The following GOLGA4 variants were observed in gnomAD, a reference collection of about 807,000 sequenced individuals.
The protein encoded by GOLGA4 is golgin A4.
In GOLGA4, 169 loss-of-function variants were observed where a neutral mutation model predicts 265.9. The observed-to-expected ratio is 0.64, with a 90% CI of 0.56 to 0.72. The LOEUF is 0.72. GOLGA4 is among the 30% of genes least tolerant of loss of function. The pLI is 0.00. For missense variants in GOLGA4, 2,482 were observed against 2,483.4 expected (o/e 1.00, Z 0.01); for synonymous variants, 923 against 855.8 (o/e 1.08, Z -1.37).
rs770179701 is a variant in GOLGA4, at chr3:37,296,080, A to G, written c.682-7A>G. 1.9e-6 allele frequency: 3 copies of G among 1,612,792 alleles called. No individual in the cohort carries two copies. Among genetic ancestry groups the G allele is most frequent in the South Asian group, 2.2e-5 (2 of 91,058 alleles). ...GACTTTTTTCTAATGAAGCACATTT[A>G]TATTAGGTTTCTCTACTGAAACAAC... On this transcript the variant is annotated splice_region_variant and splice_polypyrimidine_tract_variant and intron_variant, in intron 6 of 23. Coordinates refer to ENST00000361924, the MANE Select transcript of GOLGA4 (RefSeq NM_002078.5).
At chr3:37,245,108 A>G (rs1331890696) in intron 1 of GOLGA4, among the ~76,000 whole-genome samples, 4 of 152,244 alleles carry the variant, frequency 2.6e-5, no homozygotes, top group Non-Finnish European at 5.9e-5. Context: ...AACTAGCCAA[A>G]AATGTCCAAC....
chr3:37,255,265 A>G (rs1042996087), intron 2 of GOLGA4, among the ~76,000 whole-genome samples: 3 of 151,930 alleles, frequency 2.0e-5, no homozygotes, highest in Non-Finnish European at 2.9e-5. Flanking sequence ...GGTTCAAGCA[A>G]TTCTCCCTGC....
At chr3:37,306,717 C>T (rs1029881461) in intron 10 of GOLGA4, among the ~76,000 whole-genome samples, 1 of 151,734 alleles carries the variant, frequency 6.6e-6, no homozygotes, top group African/African-American at 2.4e-5. Flanking sequence ...GTTCTTCTCC[C>T]CCATTTAGCA....
At chr3:37,347,860 C>T (rs2097060919) in intron 21 of GOLGA4, among the ~76,000 whole-genome samples, 1 of 152,004 alleles carries the variant, frequency 6.6e-6, no homozygotes, top group Non-Finnish European at 1.5e-5. Flanking sequence ...TTGTCTTATT[C>T]TTATTTGTAT....
chr3:37,352,170 T>G (rs956681587), intron 21 of GOLGA4, among the ~76,000 whole-genome samples: 7 of 152,060 alleles, frequency 4.6e-5, no homozygotes, highest in Non-Finnish European at 1.0e-4. Context: ...CGGCTGCTAA[T>G]AAAGACATAC....
intron 1 of GOLGA4, among the ~76,000 whole-genome samples, chr3:37,247,724 TCA>T (rs1212518482): frequency 3.3e-5 from 5 of 152,216 alleles, no homozygotes; most frequent in African/African-American, 1.2e-4. Flanking sequence ...AGCTGCTTTC[TCA>T]TCTGGAGCTC....
chr3:37,287,050 A>G (rs1488165795), intron 4 of GOLGA4, among the ~76,000 whole-genome samples: 1 of 152,150 alleles, frequency 6.6e-6, no homozygotes, highest in Non-Finnish European at 1.5e-5. Flanking sequence ...TTTAAAATAA[A>G]ATATAGTTGG....
At chr3:37,260,756 A>C (rs994139752) in intron 2 of GOLGA4, among the ~76,000 whole-genome samples, 1 of 152,160 alleles carries the variant, frequency 6.6e-6, no homozygotes, top group Non-Finnish European at 1.5e-5. Context: ...CCCCAGTATT[A>C]CACATGAGAG....
rs1277903644 is a variant in GOLGA4 at position 37,359,238 on chromosome 3, C to G, written c.6664-2005C>G. On this transcript the variant is annotated intron_variant, in intron 22 of 23. Coordinates refer to ENST00000361924, the MANE Select transcript of GOLGA4 (RefSeq NM_002078.5). ...AGCACAATATGGGCAAGAGTGAATA[C>G]ATAAGTTCTTGGCTCATCTAATTGT... Among the ~76,000 whole-genome samples the G allele has an allele frequency of 1.3e-5, 2 of 152,104 alleles. 1 individual carries two copies. Among genetic ancestry groups the G allele is most frequent in the Non-Finnish European group, 2.9e-5 (2 of 68,014 alleles).
chr3:37,315,420 C>G lies in GOLGA4; in HGVS notation c.1235C>G (p.Ala412Gly). 1 of 1,609,982 alleles carries G rather than the reference C, an allele frequency of 6.2e-7. No individual in the cohort carries two copies. The change falls in exon 11 of 24, where the codon GCT becomes GGT. Residue 412 changes from alanine to glycine, a missense_variant and splice_region_variant. This residue lies in a region of GOLGA4 where 1,536 missense variants were observed against 1,483.7 expected (regional missense o/e 1.04). Coordinates refer to ENST00000361924, the MANE Select transcript of GOLGA4 (RefSeq NM_002078.5). ...TTGTTTTCTGTTGTTTTCATTATAG[C>G]TTTTGAGGAACTTGAAAAAGCTTTG... ...REQKEKSERA[A>G]FEELEKALST...
Position 37,282,161 on chromosome 3 carries a change from C to A in GOLGA4, c.366C>A (p.Ser122Arg), listed in dbSNP as rs774957170. ...TTGATCCACCCTCTGATATGGATAG[C>A]GAGGCTGAAGACTTGGTAGGGAATT... Reference protein sequence around the residue: ...ASFDPPSDMDSEAEDLVGNSD... With the variant: ...ASFDPPSDMDREAEDLVGNSD... Residue 122 changes from serine to arginine, a missense_variant, in exon 3 of 24, where the codon AGC becomes AGA. This residue lies in a region of GOLGA4 where 1,536 missense variants were observed against 1,483.7 expected (regional missense o/e 1.04). Coordinates refer to ENST00000361924, the MANE Select transcript of GOLGA4 (RefSeq NM_002078.5). The A allele has an allele frequency of 5.0e-6, 8 of 1,613,660 alleles. No individual in the cohort carries two copies. In the African/African-American group the frequency reaches 1.1e-4, roughly 22 times the overall value.
At chr3:37,279,735 C>T (rs1374176640) in intron 2 of GOLGA4, among the ~76,000 whole-genome samples, 4 of 152,140 alleles carry the variant, frequency 2.6e-5, no homozygotes, top group South Asian at 2.1e-4. Context: ...GGTGAAATCT[C>T]CTCTCTACCG....
chr3:37,299,277 A>AT lies in GOLGA4; in HGVS notation c.1003-3dup, dbSNP rs750932584. The AT allele has an allele frequency of 1.3e-5, 21 of 1,574,530 alleles. No homozygotes were observed. The highest frequency in any genetic ancestry group is 2.2e-5 in the East Asian group (1 of 44,650). Reference sequence around the variant, plus strand: ...ATTAGAGATGGAAATGAATTTAAAAATTTTTTTTAGGACCTTCATATGGCC... The same window carrying AT: ...ATTAGAGATGGAAATGAATTTAAAAATTTTTTTTTAGGACCTTCATATGGCC... On this transcript the variant is annotated splice_polypyrimidine_tract_variant and intron_variant, in intron 8 of 23. Coordinates refer to ENST00000361924, the MANE Select transcript of GOLGA4 (RefSeq NM_002078.5).
chr3:37,266,620 G>T (rs1183210023), intron 2 of GOLGA4, among the ~76,000 whole-genome samples: 1 of 152,120 alleles, frequency 6.6e-6, no homozygotes, highest in Non-Finnish European at 1.5e-5. Context: ...ATTGGATTTT[G>T]AGATCCTAAA....
At chr3:37,246,437 G>C (rs1017735759) in intron 1 of GOLGA4, among the ~76,000 whole-genome samples, 2 of 152,094 alleles carry the variant, frequency 1.3e-5, no homozygotes, top group African/African-American at 4.8e-5. Flanking sequence ...GATATATGTA[G>C]TACATGAATA....
Position 37,326,970 on chromosome 3 carries a change from T to G in GOLGA4, c.5084T>G (p.Leu1695Arg). Residue 1695 changes from leucine (L) to arginine (R), a missense_variant, in exon 14 of 24, where the codon CTT becomes CGT. Leu to Arg is a moderately radical substitution (Grantham distance 102). This residue lies in a region of GOLGA4 where 942 missense variants were observed against 983.1 expected (regional missense o/e 0.96). Coordinates refer to ENST00000361924, the MANE Select transcript of GOLGA4 (RefSeq NM_002078.5). ...GAAGTTCACATCTTGGAAGAAAAAC[T>G]TAAGTCAGTGGAAAGTTCACAGTCA... The part of the protein sequence containing the change: ...EREVHILEEK[L>R]KSVESSQSET... The G allele has an allele frequency of 6.2e-7, 1 of 1,613,872 alleles. No individual in the cohort carries two copies. The highest frequency in any genetic ancestry group is 8.5e-7 in the Non-Finnish European group (1 of 1,179,840).
At chr3:37,276,008 G>T in intron 2 of GOLGA4, 6 of 1,613,246 alleles carry the variant, frequency 3.7e-6, no homozygotes, top group Non-Finnish European at 5.1e-6. Context: ...GGCAAGAGAA[G>T]AAAGTACTTC....
intron 7 of GOLGA4, among the ~76,000 whole-genome samples, chr3:37,297,693 T>A (rs1476746270): frequency 6.6e-6 from 1 of 152,116 alleles, no homozygotes; most frequent in Non-Finnish European, 1.5e-5. Context: ...ACTAGGGTTG[T>A]CCCTTCTTCA....
chr3:37,365,935 A>G, intron 23 of GOLGA4, 145 bp from the exon 24 acceptor site: 1 of 575,566 alleles, frequency 1.7e-6, no homozygotes, highest in Non-Finnish European at 2.9e-6. Context: ...ACCCAGCCTT[A>G]TTTCTGCCTC....
Sources: gnomAD v4.1 joint callset for allele counts (sites outside exome capture counted in the v4.1 genomes callset) on GRCh38, gnomAD v4.1.1 for gene constraint, gnomAD v4.1.1 regional missense constraint, MANE v1.5 for transcripts, NCBI Gene and HGNC (gene_info 2026-07-23, HGNC 2026-07-21) for gene names.